Variants in LARGE2 observed in about 807,000 individuals in gnomAD.
LARGE2 encodes the protein LARGE xylosyl- and glucuronyltransferase 2.
LARGE2 carries 63 observed loss-of-function variants against 75.3 expected under a neutral mutation model. The observed-to-expected ratio is 0.84, with a 90% confidence interval of 0.68 to 1.03. LARGE2 has a LOEUF of 1.03. LARGE2 is among the 50% of genes least tolerant of loss of function. The probability of loss-of-function intolerance (pLI) is 0.00; values close to 1 mark genes in which losing one functional copy is unlikely to be tolerated. For synonymous variants in LARGE2, 428 were observed against 420.1 expected (o/e 1.02, Z -0.23); for missense variants, 925 against 980.6 (o/e 0.94, Z 0.76).
chr11:45,928,446 T>TG lies in LARGE2; in HGVS notation c.1950+79dup, dbSNP rs763938675. ...GTCCAGGGAACTCACGACACCTGCA[T>TG]GGGGGACCACACCACTAGGCAACAC... On this transcript the variant is annotated intron_variant, in intron 13 of 13. Transcript: ENST00000401752. 165 of 1,555,890 alleles carry TG rather than the reference T, an allele frequency of 1.1e-4. No homozygotes were observed. In the Middle Eastern group the frequency reaches 1.7e-3, roughly 16 times the overall value.
Position 45,926,124 on chromosome 11 carries a change from C to G in LARGE2, c.855C>G (p.Ser285Arg), listed in dbSNP as rs1206069906. 2 of 1,575,990 alleles carry G rather than the reference C, an allele frequency of 1.3e-6. No individual in the cohort carries two copies. Among genetic ancestry groups the G allele is most frequent in the Non-Finnish European group, 1.7e-6 (2 of 1,160,846 alleles). The change falls in exon 7 of 14, where the codon AGC becomes AGG. Residue 285 changes from serine (S) to arginine (R), a missense_variant. Coordinates refer to ENST00000401752, the MANE Select transcript of LARGE2 (RefSeq NM_001300721.2). The part of the protein sequence containing the change: ...WRLTARRELL[S>R]LPATSLADQD... The stretch of plus-strand genomic sequence containing the variant: ...TGACAGCCAGGCGGGAGCTCCTTAG[C>G]CTGCCTGCCACCTCACTGGCTGACC...
Position 45,924,090 on chromosome 11 carries a change from G to T in LARGE2, c.369-64G>T, listed in dbSNP as rs2087043518. The T allele has an allele frequency of 3.2e-6, 5 of 1,585,968 alleles. 1 individual carries two copies. The Middle Eastern group carries it at 5.0e-4, about 159-fold the overall frequency. On this transcript the variant is annotated intron_variant, in intron 3 of 13. Coordinates refer to ENST00000401752, the MANE Select transcript of LARGE2 (RefSeq NM_001300721.2). ...CGCTTCCATCTCTGCGCCCCTCGGG[G>T]TGGGGGCTGTCCCATGTTGCTCCTG...
At chr11:45,922,757 A>T in intron 1 of LARGE2, 29 bp downstream of exon 1, 1 of 777,770 alleles carries the variant, frequency 1.3e-6, no homozygotes, top group Non-Finnish European at 1.7e-6. Context: ...CGCGAGCCGC[A>T]CAACCCGGCC....
rs772900523 is a variant in LARGE2, at chr11:45,928,180, C to T, written c.1758C>T (p.Tyr586=). 5.6e-6 allele frequency: 9 copies of T among 1,613,444 alleles called. No homozygotes were observed. Among genetic ancestry groups the T allele is most frequent in the Non-Finnish European group, 2.5e-6 (3 of 1,180,008 alleles). Residue 586 remains tyrosine (Y), a synonymous_variant, in exon 13 of 14, where the codon TAC becomes TAT. Coordinates refer to ENST00000401752, the MANE Select transcript of LARGE2 (RefSeq NM_001300721.2). ...CCCACCCGACCCTGCTGCACAGGTACCACGAGTGGCCCCGAGGCCACGCAC... is the reference window on the plus strand; with the variant it reads ...CCCACCCGACCCTGCTGCACAGGTATCACGAGTGGCCCCGAGGCCACGCAC... ...LDAGTLYTFR[Y]HEWPRGHAPT...
At position 45,926,821 on chromosome 11, in the gene LARGE2, A is replaced by AC. The variant is rs759647029; in HGVS notation, c.1282dup (p.Arg428ProfsTer68). 2.0e-4 allele frequency: 325 copies of AC among 1,611,886 alleles called. No homozygotes were observed. Among genetic ancestry groups the AC allele is most frequent in the Non-Finnish European group, 2.2e-4 (260 of 1,179,686 alleles). ...TCACTTTCCTGCCCCATGAACCGCC[A>AC]CCCCCCCGGCCTCACGATGTCACCC... is the stretch of plus-strand genomic sequence containing the variant. On this transcript the variant is annotated frameshift_variant, in exon 10 of 14. Coordinates refer to ENST00000401752, the MANE Select transcript of LARGE2 (RefSeq NM_001300721.2). LOFTEE classifies it high-confidence loss of function.
In LARGE2 at chr11:45,926,465, G is replaced by C. The variant is rs369331789; in HGVS notation, c.1032G>C (p.Lys344Asn). The change falls in exon 9 of 14, where the codon AAG (lysine) becomes AAC (asparagine). Residue 344 changes from lysine (K) to asparagine (N), a missense_variant. This residue lies in a region of LARGE2 where 3 missense variants were observed against 16.5 expected (regional missense o/e 0.18). Coordinates refer to ENST00000401752, the MANE Select transcript of LARGE2 (RefSeq NM_001300721.2). ...AGGTGATCCACTGGAACTCACCAAA[G>C]AAGCTTCGGGTGAAGAACAAGCATG... Reference protein sequence around the residue: ...DLKVIHWNSPKKLRVKNKHVE... With the variant: ...DLKVIHWNSPNKLRVKNKHVE... 6.2e-7 allele frequency: 1 copy of C among 1,613,970 alleles called. No individual in the cohort carries two copies. The highest frequency in any genetic ancestry group is 1.3e-5 in the African/African-American group (1 of 74,910).
At chr11:45,927,851 T>C (rs751958425) in intron 11 of LARGE2, 69 bp from the exon 12 acceptor site, 9 of 1,603,600 alleles carry the variant, frequency 5.6e-6, no homozygotes, top group Non-Finnish European at 7.7e-6. Flanking sequence ...GCTAATGCCC[T>C]GATGAGTGTC....
At position 45,923,572 on chromosome 11, in the gene LARGE2, G is replaced by A. The variant is rs1478150632; in HGVS notation, c.368+17G>A. ...CTTCTACAGGTACAGCCAGGTGTCC[G>A]TGGAGGAGGGTCAGGAGTGGGGAAG... On this transcript the variant is annotated intron_variant, in intron 3 of 13. Coordinates refer to ENST00000401752, the MANE Select transcript of LARGE2 (RefSeq NM_001300721.2). 10 of 1,610,116 alleles carry A rather than the reference G, an allele frequency of 6.2e-6. No individual in the cohort carries two copies. In the Admixed American group the frequency reaches 1.3e-4, roughly 21 times the overall value.
chr11:45,922,894 A>G lies in LARGE2; in HGVS notation c.12A>G (p.Arg4=), dbSNP rs1166110185. The G allele has an allele frequency of 1.6e-6, 2 of 1,261,334 alleles. No homozygotes were observed. Among genetic ancestry groups the G allele is most frequent in the African/African-American group, 1.6e-5 (1 of 63,844 alleles). The allele number at this position is 1,261,334 out of a possible 1,614,324, so 78.1% of individuals were successfully genotyped here. Residue 4 remains arginine, a synonymous_variant, in exon 2 of 14, where the codon CGA becomes CGG. Transcript: ENST00000401752. MLP[R]GRPRALGAAA... ...CCCCGTCGGCGGCCATGCTGCCCCG[A>G]GGGCGCCCCCGGGCGCTGGGGGCCG... is the stretch of plus-strand genomic sequence containing the variant.
intron 12 of LARGE2, 28 bp downstream of exon 12, chr11:45,928,097 C>G: frequency 6.2e-7 from 1 of 1,613,054 alleles, no homozygotes; most frequent in Non-Finnish European, 8.5e-7. Flanking sequence ...TCTGCCCACT[C>G]CACTCACTTG....
At position 45,922,932 on chromosome 11, in the gene LARGE2, T is replaced by A. The variant is rs1427829640; in HGVS notation, c.50T>A (p.Leu17Gln). ...PRALGAAALL[L>Q]LLLLLGFLLF... Reference sequence around the variant, plus strand: ...GCGCTGGGGGCCGCCGCGCTGTTGCTGCTGCTGCTGCTGCTCGGATTCCTC... The same window carrying A: ...GCGCTGGGGGCCGCCGCGCTGTTGCAGCTGCTGCTGCTGCTCGGATTCCTC... Residue 17 changes from leucine to glutamine, a missense_variant, in exon 2 of 14, where the codon CTG becomes CAG. Around this residue, in one of 3 missense-constraint regions of LARGE2, gnomAD observed 453 missense variants for 460.2 expected, o/e 0.98. Coordinates refer to ENST00000401752, the MANE Select transcript of LARGE2 (RefSeq NM_001300721.2). 1 of 1,281,428 alleles carries A rather than the reference T, an allele frequency of 7.8e-7. No homozygotes were observed. Among genetic ancestry groups the A allele is most frequent in the Admixed American group, 4.2e-5 (1 of 24,004 alleles). 79.4% of individuals were successfully genotyped at this position (1,281,428 alleles called of 1,614,324 possible). A position where few individuals can be genotyped will look rare whatever the true frequency, so the allele number is the denominator to read the frequency against.
chr11:45,923,323 C>T (rs1272232664), intron 2 of LARGE2, 150 bp from the exon 3 acceptor site: 4 of 1,063,844 alleles, frequency 3.8e-6, no homozygotes, highest in African/African-American at 3.2e-5. Flanking sequence ...TGCTCCCGAC[C>T]TCATTTCCCC....
chr11:45,927,641 C>T (rs373438041), intron 11 of LARGE2, 48 bp downstream of exon 11: 81 of 1,594,480 alleles, frequency 5.1e-5, no homozygotes, highest in Non-Finnish European at 6.3e-5. Flanking sequence ...TGGACGTGGA[C>T]GGGGCATGCG....
In LARGE2 at chr11:45,923,557, T is replaced by TA. The variant is rs1345537682; in HGVS notation, c.368+3dup. The TA allele has an allele frequency of 4.3e-6, 7 of 1,613,216 alleles. No individual in the cohort carries two copies. In the African/African-American group the frequency reaches 5.3e-5, roughly 12 times the overall value. On this transcript the variant is annotated splice_region_variant and intron_variant, in intron 3 of 13. Coordinates refer to ENST00000401752, the MANE Select transcript of LARGE2 (RefSeq NM_001300721.2). ...GGTGAAGTCCATGCTCTTCTACAGG[T>TA]ACAGCCAGGTGTCCGTGGAGGAGGG...
chr11:45,928,464 G>C, intron 13 of LARGE2, 92 bp downstream of exon 13: 1 of 1,539,232 alleles, frequency 6.5e-7, no homozygotes, highest in Non-Finnish European at 8.8e-7. Context: ...CACACCACTA[G>C]GCAACACTGT....
Position 45,924,651 on chromosome 11 carries a change from T to C in LARGE2, c.638T>C (p.Leu213Pro), listed in dbSNP as rs765815732. Residue 213 changes from leucine to proline, a missense_variant, in exon 5 of 14, where the codon CTC becomes CCC. Coordinates refer to ENST00000401752, the MANE Select transcript of LARGE2 (RefSeq NM_001300721.2). Reference protein sequence around the residue: ...DVTFASDISELWALFAHFSDT... With the variant: ...DVTFASDISEPWALFAHFSDT... ...ACCTTCGCCTCTGACATCTCGGAGCTCTGGGCCCTCTTTGCTCACTTTTCT... is the reference window on the plus strand; with the variant it reads ...ACCTTCGCCTCTGACATCTCGGAGCCCTGGGCCCTCTTTGCTCACTTTTCT... 7.4e-6 allele frequency: 12 copies of C among 1,613,614 alleles called. No homozygotes were observed. Among genetic ancestry groups the C allele is most frequent in the Non-Finnish European group, 9.3e-6 (11 of 1,179,782 alleles).
In LARGE2 at chr11:45,928,342, A is replaced by T. The variant is rs779283137; in HGVS notation, c.1920A>T (p.Lys640Asn). 3.5e-5 allele frequency: 56 copies of T among 1,614,114 alleles called. No individual in the cohort carries two copies. The highest frequency in any genetic ancestry group is 4.7e-5 in the Non-Finnish European group (55 of 1,180,016). Residue 640 changes from lysine to asparagine, a missense_variant, in exon 13 of 14, where the codon AAA (lysine) becomes AAT (asparagine). By Grantham distance (94) the Lys-to-Asn change is moderately conservative. This residue lies in a region of LARGE2 where 469 missense variants were observed against 503.8 expected (regional missense o/e 0.93). Transcript: ENST00000401752. Reference sequence around the variant, plus strand: ...GCTTTGTGGGCTTCGGCTGGAACAAAGTGGCCCACATTGTGGAGCTGGATG... The same window carrying T: ...GCTTTGTGGGCTTCGGCTGGAACAATGTGGCCCACATTGTGGAGCTGGATG... ...DPRFVGFGWN[K>N]VAHIVELDAQ...
rs755211668 is a variant in LARGE2, at chr11:45,928,213, C to A, written c.1791C>A (p.Asp597Glu). 1.9e-6 allele frequency: 3 copies of A among 1,613,954 alleles called. No individual in the cohort carries two copies. The highest frequency in any genetic ancestry group is 2.5e-6 in the Non-Finnish European group (3 of 1,180,042). Reference protein sequence around the residue: ...HEWPRGHAPTDYARWREAQAP... With the variant: ...HEWPRGHAPTEYARWREAQAP... ...GGCCCCGAGGCCACGCACCCACAGA[C>A]TATGCCCGCTGGCGGGAGGCTCAGG... Residue 597 changes from aspartate to glutamate, a missense_variant, in exon 13 of 14, where the codon GAC (aspartate) becomes GAA (glutamate). Asp to Glu is a conservative substitution (Grantham distance 45). This residue lies in a region of LARGE2 where 469 missense variants were observed against 503.8 expected (regional missense o/e 0.93). Transcript: ENST00000401752.
rs56148819 is a variant in LARGE2, at chr11:45,922,739, T to C, written c.-63+11T>C. 378,065 of 580,856 alleles carry C rather than the reference T, an allele frequency of 0.65. 129,424 individuals carry two copies. Among genetic ancestry groups the C allele is most frequent in the Middle Eastern group, 0.73 (1,329 of 1,826 alleles). 36.0% of individuals were successfully genotyped at this position (580,856 alleles called of 1,614,324 possible). On this transcript the variant is annotated intron_variant, in intron 1 of 13. Transcript: ENST00000401752. ...GAGCCGCTGGAGCAGGTGAGGGAGG[T>C]GGCTCGGCGCGAGCCGCACAACCCG...
Sources: gnomAD v4.1 joint callset for allele counts on GRCh38, gnomAD v4.1.1 for gene constraint, gnomAD v4.1.1 regional missense constraint, MANE v1.5 for transcripts, NCBI Gene and HGNC (gene_info 2026-07-23, HGNC 2026-07-21) for gene names.